SHTN1: variants seen among roughly 807,000 people sequenced by gnomAD.
The protein encoded by SHTN1 is shootin 1.
Under a neutral mutation model 83.1 loss-of-function variants are expected in SHTN1, and 42 were observed. The observed-to-expected ratio is 0.51, with a 90% confidence interval of 0.39 to 0.65. The LOEUF (loss-of-function observed/expected upper bound fraction) is 0.65. Among genes scored for constraint, SHTN1 ranks in the 30% least tolerant of loss-of-function variants. SHTN1 has a pLI of 0.00. For synonymous variants in SHTN1, 224 were observed against 247.7 expected (o/e 0.90, Z 0.90); for missense variants, 622 against 737.8 (o/e 0.84, Z 1.82).
intron 1 of SHTN1, among the ~76,000 whole-genome samples, chr10:116,989,070 A>T (rs1453890662): frequency 6.6e-6 from 1 of 151,354 alleles, no homozygotes; most frequent in Non-Finnish European, 1.5e-5. Flanking sequence ...TATGTCAGTT[A>T]AAAAAAAACA....
At chr10:117,063,774 T>C (rs562380398) in intron 1 of SHTN1, among the ~76,000 whole-genome samples, 4 of 152,268 alleles carry the variant, frequency 2.6e-5, no homozygotes, top group Admixed American at 1.3e-4. Context: ...CTACATTTGG[T>C]GCCTTTTCTC....
At chr10:117,023,860 C>A (rs1472231070) in intron 2 of SHTN1, 2 of 152,646 alleles carry the variant, frequency 1.3e-5, no homozygotes, top group Admixed American at 1.3e-4. Flanking sequence ...GTATTTCCAA[C>A]CTGTGTGATC....
intron 6 of SHTN1, 101 bp downstream of exon 6, chr10:116,951,808 C>T (rs919746910): frequency 4.6e-5 from 23 of 500,976 alleles, no homozygotes; most frequent in African/African-American, 4.4e-4. Flanking sequence ...ACATGGTTCT[C>T]ATGTTAGAAA....
intron 2 of SHTN1, among the ~76,000 whole-genome samples, chr10:116,970,694 CAGAG>C (rs368582593): frequency 2.4e-4 from 35 of 143,468 alleles, no homozygotes; most frequent in Non-Finnish European, 4.7e-4. Context: ...AGCCTGGTGA[CAGAG>C]AGAGACTTAC....
At chr10:117,071,202 C>A (rs188776389) in intron 1 of SHTN1, among the ~76,000 whole-genome samples, 6 of 152,188 alleles carry the variant, frequency 3.9e-5, no homozygotes, top group Middle Eastern at 3.4e-3. Flanking sequence ...CTCTTGCTAT[C>A]AATAATTATG....
At chr10:117,059,098 T>C (rs1344744654) in intron 1 of SHTN1, among the ~76,000 whole-genome samples, 2 of 152,170 alleles carry the variant, frequency 1.3e-5, no homozygotes, top group Non-Finnish European at 2.9e-5. Flanking sequence ...TTAATGCCAC[T>C]GAATTGCAGA....
intron 1 of SHTN1, among the ~76,000 whole-genome samples, chr10:117,051,999 C>CATACATATATATATATATATAT: frequency 2.9e-5 from 1 of 34,116 alleles, no homozygotes; most frequent in Admixed American, 3.9e-4. Flanking sequence ...ATGACATAAT[C>CATACATATATATATATATATAT]ATATATATAT....
At chr10:117,088,526 T>C (rs910445875) in intron 1 of SHTN1, among the ~76,000 whole-genome samples, 6 of 152,188 alleles carry the variant, frequency 3.9e-5, no homozygotes, top group Admixed American at 1.3e-4. Context: ...ACTGGAATTA[T>C]AGCTAGAAGG....
intron 2 of SHTN1, among the ~76,000 whole-genome samples, chr10:117,046,548 A>G (rs1479036415): frequency 3.3e-5 from 5 of 152,134 alleles, no homozygotes. Context: ...AACTGAAAAC[A>G]TATGTACACA....
At chr10:117,013,659 C>G (rs968136162) in intron 2 of SHTN1, among the ~76,000 whole-genome samples, 5 of 152,132 alleles carry the variant, frequency 3.3e-5, no homozygotes, top group Non-Finnish European at 4.4e-5. Flanking sequence ...TCTTTAATTG[C>G]AGGTAGCTAT....
At chr10:116,939,134 C>T (rs570392810) in intron 9 of SHTN1, among the ~76,000 whole-genome samples, 7 of 152,312 alleles carry the variant, frequency 4.6e-5, no homozygotes, top group African/African-American at 1.7e-4. Context: ...GGCTAGACCA[C>T]TTGGCTCCCT....
chr10:117,119,664 G>A (rs1853896070), intron 1 of SHTN1, among the ~76,000 whole-genome samples: 1 of 152,148 alleles, frequency 6.6e-6, no homozygotes, highest in South Asian at 2.1e-4. Context: ...CCACTGCTGG[G>A]AATACACCCA....
chr10:116,951,277 G>A (rs1849766230), intron 6 of SHTN1, among the ~76,000 whole-genome samples: 1 of 152,074 alleles, frequency 6.6e-6, no homozygotes, highest in Non-Finnish European at 1.5e-5. Context: ...TTAAAAATCA[G>A]GCAGGCGTGG....
chr10:116,990,608 G>C (rs2133511064), intron 1 of SHTN1, among the ~76,000 whole-genome samples: 1 of 152,158 alleles, frequency 6.6e-6, no homozygotes, highest in East Asian at 1.9e-4. Flanking sequence ...GATCTTGAGG[G>C]GAACTGCATC....
intron 16 of SHTN1, among the ~76,000 whole-genome samples, chr10:116,888,554 C>G (rs1389090381): frequency 6.6e-6 from 1 of 152,194 alleles, no homozygotes; most frequent in Non-Finnish European, 1.5e-5. Flanking sequence ...GCACCTATCT[C>G]TCTCTCACAA....
At chr10:117,005,469 C>A (rs1251570272), upstream of SHTN1, 35 of 1,031,126 alleles carry the variant, frequency 3.4e-5, no homozygotes, top group Non-Finnish European at 2.3e-5. Flanking sequence ...CTCAGGGACG[C>A]GAGTTCAGAG....
At chr10:117,048,028 G>C (rs1419924526) in intron 2 of SHTN1, among the ~76,000 whole-genome samples, 2 of 152,052 alleles carry the variant, frequency 1.3e-5, no homozygotes, top group South Asian at 2.1e-4. Context: ...AACTACTGAA[G>C]ATCAGTTTTT....
At chr10:116,920,992 C>T (rs1032023083) in intron 12 of SHTN1, among the ~76,000 whole-genome samples, 2 of 152,140 alleles carry the variant, frequency 1.3e-5, no homozygotes, top group Non-Finnish European at 2.9e-5. Context: ...TAAATAATTA[C>T]ATATTTACTT....
At chr10:117,088,023 C>G (rs971718512) in intron 1 of SHTN1, among the ~76,000 whole-genome samples, 1 of 152,168 alleles carries the variant, frequency 6.6e-6, no homozygotes, top group Non-Finnish European at 1.5e-5. Flanking sequence ...GGAAACAAAA[C>G]AAACCAAAAT....
Sources: gnomAD v4.1 joint callset for allele counts (sites outside exome capture counted in the v4.1 genomes callset) on GRCh38, gnomAD v4.1.1 for gene constraint, MANE v1.5 for transcripts, NCBI Gene and HGNC (gene_info 2026-07-23, HGNC 2026-07-21) for gene names.